PTPRG: variants seen among roughly 807,000 people sequenced by gnomAD.
PTPRG encodes receptor-type tyrosine-protein phosphatase gamma.
In PTPRG, 102 loss-of-function variants were observed where a neutral mutation model predicts 165.3. The observed-to-expected ratio is 0.62, with a 90% CI of 0.53 to 0.73. PTPRG has a LOEUF of 0.73. Ranked by LOEUF, PTPRG falls within the 30% of genes least tolerant of loss-of-function variation. The pLI, the probability that PTPRG is intolerant of heterozygous loss-of-function variation, is 0.00. For missense variants in PTPRG, 1,866 were observed against 1,861.4 expected (o/e 1.00, Z -0.05); for synonymous variants, 675 against 669.5 (o/e 1.01, Z -0.13).
At chr3:62,075,277 A>C (rs1443472591) in intron 4 of PTPRG, among the ~76,000 whole-genome samples, 1 of 152,194 alleles carries the variant, frequency 6.6e-6, no homozygotes, top group Non-Finnish European at 1.5e-5. Context: ...CCTTCTGTGA[A>C]CCTACTTAAT....
In PTPRG at chr3:61,854,798, A is replaced by G. The variant is rs566821531; in HGVS notation, c.190+105816A>G. On this transcript the variant is annotated intron_variant, in intron 2 of 29. Coordinates refer to ENST00000474889, the MANE Select transcript of PTPRG (RefSeq NM_002841.4). ...TCCACATATCCTAAAAACCTGTAAT[A>G]TGAGGGTCCTAGAGAAGGATAATGC... 1.1e-4 allele frequency among the ~76,000 whole-genome samples: 16 copies of G among 152,328 alleles called. No homozygotes were observed. The South Asian group carries it at 1.9e-3, about 18-fold the overall frequency.
At chr3:61,752,246 C>G (rs1208657018) in intron 2 of PTPRG, among the ~76,000 whole-genome samples, 1 of 152,014 alleles carries the variant, frequency 6.6e-6, no homozygotes, top group Non-Finnish European at 1.5e-5. Context: ...GCAGACTATC[C>G]TCAAGTTCAG....
At chr3:62,002,202 T>G (rs1423600560) in intron 3 of PTPRG, among the ~76,000 whole-genome samples, 1 of 152,212 alleles carries the variant, frequency 6.6e-6, no homozygotes, top group Non-Finnish European at 1.5e-5. Context: ...ATTGCAGTAT[T>G]CTAGAAATGG....
At chr3:62,025,915 C>T (rs1433468378) in intron 4 of PTPRG, among the ~76,000 whole-genome samples, 1 of 152,176 alleles carries the variant, frequency 6.6e-6, no homozygotes. Flanking sequence ...TTTACTGATA[C>T]ATTTCTAATC....
chr3:62,124,352 A>T lies in PTPRG; in HGVS notation c.616-8250A>T, dbSNP rs1453171072. ...CCCGGGTCTCTGGTGATGCAGGCTG[A>T]CAATAGTGGGATGCAAGTCCAGGGT... On this transcript the variant is annotated intron_variant, in intron 5 of 29. Transcript: ENST00000474889. The T allele has an allele frequency of 3.7e-6, 6 of 1,612,924 alleles. No individual in the cohort carries two copies. The Admixed American group carries it at 1.0e-4, about 27-fold the overall frequency.
intron 2 of PTPRG, among the ~76,000 whole-genome samples, chr3:61,815,822 A>G (rs773087334): frequency 1.3e-5 from 2 of 152,226 alleles, no homozygotes; most frequent in Non-Finnish European, 2.9e-5. Flanking sequence ...GGGATATAGG[A>G]ATGAATACAG....
chr3:61,857,464 G>C (rs1363987059), intron 2 of PTPRG, among the ~76,000 whole-genome samples: 1 of 152,188 alleles, frequency 6.6e-6, no homozygotes, highest in African/African-American at 2.4e-5. Flanking sequence ...TCAGGGAGTA[G>C]ACTAGAGAGA....
chr3:62,067,589 G>A (rs1483057876), intron 4 of PTPRG, among the ~76,000 whole-genome samples: 1 of 152,148 alleles, frequency 6.6e-6, no homozygotes, highest in Non-Finnish European at 1.5e-5. Flanking sequence ...TGGGAGCCCT[G>A]AGCGTGTTTT....
In PTPRG at chr3:61,775,368, G is replaced by A. The variant is rs560815853; in HGVS notation, c.190+26386G>A. 1.2e-4 allele frequency among the ~76,000 whole-genome samples: 18 copies of A among 152,150 alleles called. No individual in the cohort carries two copies. The East Asian group carries it at 3.3e-3, about 28-fold the overall frequency. On this transcript the variant is annotated intron_variant, in intron 2 of 29. Transcript: ENST00000474889. ...TTATAGGCATGAGGCACTGCACCAG[G>A]CCCCTTAAATAAAATCCTTTCAGTA...
intron 7 of PTPRG, among the ~76,000 whole-genome samples, chr3:62,160,645 T>C (rs1704719592): frequency 6.6e-6 from 1 of 152,238 alleles, no homozygotes. Context: ...CTAGGATTTG[T>C]TTTCTTCTAG....
intron 2 of PTPRG, among the ~76,000 whole-genome samples, chr3:61,983,251 C>G (rs1342998571): frequency 6.6e-6 from 1 of 151,900 alleles, no homozygotes. Context: ...AATCAGAATC[C>G]CATAAAGATT....
intron 1 of PTPRG, among the ~76,000 whole-genome samples, chr3:61,616,189 T>G (rs1283793140): frequency 5.3e-5 from 8 of 152,240 alleles, no homozygotes; most frequent in South Asian, 2.1e-4. Flanking sequence ...TGCCCTCAGG[T>G]CATCTGCCCA....
At chr3:62,048,884 A>G (rs1185247907) in intron 4 of PTPRG, among the ~76,000 whole-genome samples, 3 of 152,230 alleles carry the variant, frequency 2.0e-5, no homozygotes, top group Non-Finnish European at 4.4e-5. Context: ...GTGGAGGCAC[A>G]TAACTTTCAT....
rs139519640 is a variant in PTPRG, at chr3:62,264,365, A to G, written c.2656+1471A>G. Among the ~76,000 whole-genome samples the G allele has an allele frequency of 7.9e-5, 12 of 152,150 alleles. No homozygotes were observed. The East Asian group carries it at 2.3e-3, about 29-fold the overall frequency. On this transcript the variant is annotated intron_variant, in intron 17 of 29. Coordinates refer to ENST00000474889, the MANE Select transcript of PTPRG (RefSeq NM_002841.4). Reference sequence around the variant, plus strand: ...ACAACTCTGGGGTTTTAGTATATTCACGGAGTTGTACGATCATCACCACAA... The same window carrying G: ...ACAACTCTGGGGTTTTAGTATATTCGCGGAGTTGTACGATCATCACCACAA...
chr3:62,034,951 G>A (rs1699895540), intron 4 of PTPRG, among the ~76,000 whole-genome samples: 1 of 152,106 alleles, frequency 6.6e-6, no homozygotes, highest in African/African-American at 2.4e-5. Context: ...TTCTTGGGGA[G>A]GAGGACTGCA....
Position 61,683,223 on chromosome 3 carries a change from C to T in PTPRG, c.86-65655C>T, listed in dbSNP as rs373520009. 7.2e-5 allele frequency among the ~76,000 whole-genome samples: 11 copies of T among 152,250 alleles called. 1 individual carries two copies. The East Asian group carries it at 9.7e-4, about 13-fold the overall frequency. On this transcript the variant is annotated intron_variant, in intron 1 of 29. Coordinates refer to ENST00000474889, the MANE Select transcript of PTPRG (RefSeq NM_002841.4). The stretch of plus-strand genomic sequence containing the variant: ...AGGCTATAAAGATCAGCACAATGGC[C>T]GAAGACAGCTGGGCTGATAATTGAC...
At chr3:62,048,027 A>G (rs1051753889) in intron 4 of PTPRG, among the ~76,000 whole-genome samples, 53 of 152,306 alleles carry the variant, frequency 3.5e-4, no homozygotes, top group Non-Finnish European at 2.2e-4. Context: ...CATATTGGGA[A>G]GCTAAACTGG....
At chr3:62,241,582 G>A (rs950342978) in intron 14 of PTPRG, among the ~76,000 whole-genome samples, 11 of 152,022 alleles carry the variant, frequency 7.2e-5, no homozygotes, top group African/African-American at 2.4e-4. Flanking sequence ...GATAATGTGG[G>A]GCCTGTAGTT....
chr3:61,887,486 C>T lies in PTPRG; in HGVS notation c.191-102139C>T, dbSNP rs1478059589. Reference sequence around the variant, plus strand: ...TGAAGTGTATTCAGATTTCTTTAGGCTAGGAAAACAAAACAAAAAACCAAA... The same window carrying T: ...TGAAGTGTATTCAGATTTCTTTAGGTTAGGAAAACAAAACAAAAAACCAAA... On this transcript the variant is annotated intron_variant, in intron 2 of 29. Coordinates refer to ENST00000474889, the MANE Select transcript of PTPRG (RefSeq NM_002841.4). Among the ~76,000 whole-genome samples, 7 of 152,040 alleles carry T rather than the reference C, an allele frequency of 4.6e-5. No homozygotes were observed. The East Asian group carries it at 9.7e-4, about 21-fold the overall frequency.
Sources: allele counts gnomAD v4.1 joint callset (sites outside exome capture counted in the v4.1 genomes callset), GRCh38; gene constraint gnomAD v4.1.1; transcripts MANE v1.5; gene names NCBI Gene and HGNC (gene_info 2026-07-23, HGNC 2026-07-21).